The following UBE2Z variants were observed in gnomAD, a reference collection of about 807,000 sequenced individuals.
UBE2Z encodes ubiquitin-conjugating enzyme E2 Z.
Under a neutral mutation model 32.6 loss-of-function variants are expected in UBE2Z, and 10 were observed. That is an observed-to-expected ratio of 0.31 (90% CI 0.19 to 0.52). The LOEUF is 0.52. UBE2Z is among the 20% of genes least tolerant of loss of function. The pLI, the probability that UBE2Z is intolerant of heterozygous loss-of-function variation, is 0.97. For missense variants in UBE2Z, 343 were observed against 480.9 expected (o/e 0.71, Z 2.68); for synonymous variants, 183 against 190.8 (o/e 0.96, Z 0.34).
At position 48,913,033 on chromosome 17, in the gene UBE2Z, CTT is replaced by C; in HGVS notation, c.578+15_578+16del. ...TTGAGTATTCTAGGGTAAGAGGAGACTTTTAAGTAGCCAAGTCGGTTGTTAGC... is the reference window on the plus strand; with the variant it reads ...TTGAGTATTCTAGGGTAAGAGGAGACTTAAGTAGCCAAGTCGGTTGTTAGC... On this transcript the variant is annotated intron_variant, in intron 3 of 6. Transcript: ENST00000360943. The C allele has an allele frequency of 1.2e-6, 2 of 1,610,310 alleles. No homozygotes were observed. The highest frequency in any genetic ancestry group is 1.7e-6 in the Non-Finnish European group (2 of 1,176,874).
chr17:48,923,011 C>G, intron 6 of UBE2Z, 74 bp downstream of exon 6: 1 of 1,349,356 alleles, frequency 7.4e-7, no homozygotes, highest in Non-Finnish European at 1.0e-6. Context: ...AGCGTGGCAT[C>G]GACAGCTGTC....
chr17:48,915,866 C>T, intron 3 of UBE2Z: 1 of 194,248 alleles, frequency 5.1e-6, no homozygotes, highest in East Asian at 6.2e-5. Flanking sequence ...TGTTCTTTTG[C>T]CCCCCCCCCT....
At position 48,928,435 on chromosome 17, in the gene UBE2Z, T is replaced by C. The variant is rs2040812013; in HGVS notation, c.*1301T>C. 6.5e-6 allele frequency: 1 copy of C among 152,696 alleles called. No homozygotes were observed. Among genetic ancestry groups the C allele is most frequent in the South Asian group, 2.1e-4 (1 of 4,830 alleles). 9.5% of individuals were successfully genotyped at this position (152,696 alleles called of 1,614,324 possible). On this transcript the variant is annotated 3_prime_UTR_variant, in exon 7 of 7. Transcript: ENST00000360943. Reference sequence around the variant, plus strand: ...TATGTTCTCCCCGTACTTCCAGATTTATTGTTATGGCTCCCAGTGGGTATT... The same window carrying C: ...TATGTTCTCCCCGTACTTCCAGATTCATTGTTATGGCTCCCAGTGGGTATT...
At chr17:48,925,557 A>G (rs2040792092) in intron 6 of UBE2Z, among the ~76,000 whole-genome samples, 1 of 152,134 alleles carries the variant, frequency 6.6e-6, no homozygotes, top group Non-Finnish European at 1.5e-5. Flanking sequence ...AGAGTATATC[A>G]ATGACATATG....
intron 5 of UBE2Z, among the ~76,000 whole-genome samples, chr17:48,921,789 G>A (rs187221517): frequency 7.9e-5 from 12 of 152,264 alleles, no homozygotes; most frequent in Non-Finnish European, 1.5e-4. Context: ...AGTACTTTGG[G>A]AGGCTGAGGC....
rs138951288 is a variant in UBE2Z, at chr17:48,924,942, G to C, written c.894+2005G>C. Among the ~76,000 whole-genome samples the C allele has an allele frequency of 1.2e-3, 176 of 151,684 alleles. 1 individual carries two copies. Among genetic ancestry groups the C allele is most frequent in the Admixed American group, 3.6e-3 (55 of 15,218 alleles). On this transcript the variant is annotated intron_variant, in intron 6 of 6. Coordinates refer to ENST00000360943, the MANE Select transcript of UBE2Z (RefSeq NM_023079.5). ...AGAATTCTCCTGTCCTGGAGAATCA[G>C]TTCTTGGGTGTTTGGATCATCTTAC...
At chr17:48,925,118 A>G (rs752319428) in intron 6 of UBE2Z, among the ~76,000 whole-genome samples, 3 of 151,910 alleles carry the variant, frequency 2.0e-5, no homozygotes, top group Non-Finnish European at 2.9e-5. Context: ...TCCTGCCTCT[A>G]CTAAAAATAC....
In UBE2Z at chr17:48,910,946, A is replaced by G. The variant is rs1489619051; in HGVS notation, c.390+66A>G. 6 of 1,280,044 alleles carry G rather than the reference A, an allele frequency of 4.7e-6. No individual in the cohort carries two copies. In the Admixed American group the frequency reaches 8.4e-5, roughly 18 times the overall value. 79.3% of individuals were successfully genotyped at this position (1,280,044 alleles called of 1,614,324 possible). A position where few individuals can be genotyped will look rare whatever the true frequency, so the allele number is the denominator to read the frequency against. ...GGGGGCCATAAGGTTGCAAAAGCCT[A>G]AAAGAGATTATTCAGCTCACCTCTC... On this transcript the variant is annotated intron_variant, in intron 2 of 6. Transcript: ENST00000360943.
At chr17:48,911,129 A>G (rs1305321033) in intron 2 of UBE2Z, 1 of 500,638 alleles carries the variant, frequency 2.0e-6, no homozygotes, top group Non-Finnish European at 3.6e-6. Context: ...CTGTTGTCGC[A>G]GCTTGACTAT....
In UBE2Z at chr17:48,918,856, A is replaced by G. The variant is rs993169433; in HGVS notation, c.691-2304A>G. The stretch of plus-strand genomic sequence containing the variant: ...CTGCCTCCCAGGTTCAAGCGATTCT[A>G]GTACCTCAGCCTCCCAAGTAGCTGG... On this transcript the variant is annotated intron_variant, in intron 4 of 6. Transcript: ENST00000360943. Among the ~76,000 whole-genome samples, 3 of 146,264 alleles carry G rather than the reference A, an allele frequency of 2.1e-5. No homozygotes were observed. The Admixed American group carries it at 2.1e-4, about 10-fold the overall frequency.
At chr17:48,910,409 C>T (rs925081094) in intron 1 of UBE2Z, 3 of 188,698 alleles carry the variant, frequency 1.6e-5, no homozygotes, top group African/African-American at 2.3e-5. Context: ...GATGCCTTTC[C>T]AGTTACTAAA....
chr17:48,918,382 G>A (rs975323918), intron 4 of UBE2Z, among the ~76,000 whole-genome samples: 1 of 152,026 alleles, frequency 6.6e-6, no homozygotes, highest in Non-Finnish European at 1.5e-5. Context: ...CACTCAGGCT[G>A]GAGTGCAGTG....
At chr17:48,916,510 C>G (rs1480175123) in intron 4 of UBE2Z, among the ~76,000 whole-genome samples, 1 of 151,722 alleles carries the variant, frequency 6.6e-6, no homozygotes, top group Non-Finnish European at 1.5e-5. Flanking sequence ...CTCGGCCTCC[C>G]AGAGTGCTGG....
rs763730345 is a variant in UBE2Z at position 48,921,308 on chromosome 17, G to A, written c.803+36G>A. 115 of 1,538,436 alleles carry A rather than the reference G, an allele frequency of 7.5e-5. 1 individual carries two copies. The Middle Eastern group carries it at 3.4e-3, about 45-fold the overall frequency. ...AGCGGGCTTGCTTGGTATTCCTTTCGGGCATTTGGGTAGTTGGCATCTTTG... is the reference window on the plus strand; with the variant it reads ...AGCGGGCTTGCTTGGTATTCCTTTCAGGCATTTGGGTAGTTGGCATCTTTG... On this transcript the variant is annotated intron_variant, in intron 5 of 6. Coordinates refer to ENST00000360943, the MANE Select transcript of UBE2Z (RefSeq NM_023079.5).
intron 6 of UBE2Z, chr17:48,923,184 C>G (rs1285985549): frequency 3.0e-5 from 9 of 303,424 alleles, no homozygotes; most frequent in Middle Eastern, 1.1e-3. Context: ...AGCCGGGCAT[C>G]GTGGCGTGTA....
rs1296458921 is a variant in UBE2Z at position 48,927,386 on chromosome 17, A to C, written c.*252A>C. On this transcript the variant is annotated 3_prime_UTR_variant, in exon 7 of 7. Coordinates refer to ENST00000360943, the MANE Select transcript of UBE2Z (RefSeq NM_023079.5). ...GTATCAGGGGCCAAGGTACCTTTAC[A>C]GGAGCACCTAGAGCGAGGGCCTTTG... The C allele has an allele frequency of 2.2e-6, 1 of 464,544 alleles. No individual in the cohort carries two copies. Among genetic ancestry groups the C allele is most frequent in the Non-Finnish European group, 3.9e-6 (1 of 254,134 alleles). 28.8% of individuals were successfully genotyped at this position (464,544 alleles called of 1,614,324 possible). A position where few individuals can be genotyped will look rare whatever the true frequency, so the allele number is the denominator to read the frequency against.
intron 4 of UBE2Z, 71 bp downstream of exon 4, chr17:48,916,258 G>GTTTGTTTTTT: frequency 2.4e-6 from 1 of 415,732 alleles, no homozygotes; most frequent in Non-Finnish European, 3.8e-6. Flanking sequence ...TGGTTTTTTT[G>GTTTGTTTTTT]TTTTTTTTTT....
chr17:48,921,973 A>G (rs2040762179), intron 5 of UBE2Z, among the ~76,000 whole-genome samples: 1 of 152,160 alleles, frequency 6.6e-6, no homozygotes, highest in African/African-American at 2.4e-5. Flanking sequence ...GGCTGCAGTG[A>G]GCTGTGATGA....
chr17:48,917,031 G>A (rs1440092569), intron 4 of UBE2Z, among the ~76,000 whole-genome samples: 1 of 145,644 alleles, frequency 6.9e-6, no homozygotes, highest in Non-Finnish European at 1.5e-5. Context: ...TAATGGCCAG[G>A]CGCGGTGGCT....
Sources: allele counts gnomAD v4.1 joint callset (sites outside exome capture counted in the v4.1 genomes callset), GRCh38; gene constraint gnomAD v4.1.1; transcripts MANE v1.5; gene names NCBI Gene and HGNC (gene_info 2026-07-23, HGNC 2026-07-21).